Variants in FAM135B observed in about 807,000 individuals in gnomAD.
FAM135B encodes protein FAM135B.
In FAM135B, 43 loss-of-function variants were observed where a neutral mutation model predicts 127.7. The ratio of observed to expected loss-of-function variants is 0.34; its 90% CI spans 0.26 to 0.43. FAM135B has a LOEUF of 0.43. Ranked by LOEUF, FAM135B falls within the 20% of genes least tolerant of loss-of-function variation. The pLI, the probability that FAM135B is intolerant of heterozygous loss-of-function variation, is 1.00. For missense variants in FAM135B, 1,558 were observed against 1,725.6 expected (o/e 0.90, Z 1.72); for synonymous variants, 670 against 665.1 (o/e 1.01, Z -0.11).
At chr8:138,146,308 C>T (rs745534318) in intron 14 of FAM135B, among the ~76,000 whole-genome samples, 3 of 152,262 alleles carry the variant, frequency 2.0e-5, no homozygotes, top group Non-Finnish European at 4.4e-5. Flanking sequence ...GAGCATGTGG[C>T]TTGTGAACAC....
intron 1 of FAM135B, among the ~76,000 whole-genome samples, chr8:138,449,173 G>C (rs1836355485): frequency 6.6e-6 from 1 of 152,106 alleles, no homozygotes; most frequent in African/African-American, 2.4e-5. Context: ...ACTTACAAAT[G>C]GGTGAGAAAG....
intron 18 of FAM135B, among the ~76,000 whole-genome samples, chr8:138,138,126 C>T (rs1041806706): frequency 1.2e-4 from 19 of 152,204 alleles, no homozygotes; most frequent in African/African-American, 4.6e-4. Flanking sequence ...CCAGCTCCTG[C>T]ACCCCTGATG....
intron 7 of FAM135B, among the ~76,000 whole-genome samples, chr8:138,215,133 T>A (rs1478335213): frequency 2.0e-5 from 3 of 152,162 alleles, no homozygotes; most frequent in Non-Finnish European, 4.4e-5. Context: ...CTAGACATGA[T>A]TAAATATCTA....
chr8:138,148,466 T>C (rs1817838596), intron 14 of FAM135B, 54 bp downstream of exon 14: 12 of 1,410,348 alleles, frequency 8.5e-6, no homozygotes, highest in East Asian at 2.4e-5. Context: ...TACATAAATA[T>C]TATAAGTTGT....
At chr8:138,372,699 A>C (rs1298450223) in intron 1 of FAM135B, among the ~76,000 whole-genome samples, 1 of 152,214 alleles carries the variant, frequency 6.6e-6, no homozygotes. Flanking sequence ...CAATACGCGC[A>C]GACTATGTTT....
chr8:138,483,501 T>G (rs970913881), intron 1 of FAM135B, among the ~76,000 whole-genome samples: 5 of 152,226 alleles, frequency 3.3e-5, no homozygotes, highest in Admixed American at 1.3e-4. Context: ...GAGGTGAATC[T>G]GAATCCATGA....
intron 1 of FAM135B, among the ~76,000 whole-genome samples, chr8:138,463,395 G>A (rs1208845508): frequency 6.6e-6 from 1 of 152,088 alleles, no homozygotes; most frequent in Non-Finnish European, 1.5e-5. Flanking sequence ...GGGTGGGAGA[G>A]AATTGTATCA....
At chr8:138,395,591 A>G (rs565355570) in intron 1 of FAM135B, among the ~76,000 whole-genome samples, 46 of 152,336 alleles carry the variant, frequency 3.0e-4, no homozygotes, top group African/African-American at 1.1e-3. Context: ...CTAGGTCCCA[A>G]GTGGGTCTCC....
chr8:138,327,444 C>T (rs539463621), intron 2 of FAM135B, among the ~76,000 whole-genome samples: 1 of 152,260 alleles, frequency 6.6e-6, no homozygotes, highest in South Asian at 2.1e-4. Context: ...CAAAAATATT[C>T]TCAAAATTTG....
At chr8:138,287,465 TC>T (rs367747730) in intron 3 of FAM135B, among the ~76,000 whole-genome samples, 3,626 of 143,142 alleles carry the variant, frequency 0.025, 131 homozygotes, top group African/African-American at 0.037. Context: ...TTTTTTTTTT[TC>T]AAATCTGCAT....
intron 1 of FAM135B, among the ~76,000 whole-genome samples, chr8:138,456,169 C>T (rs1288867580): frequency 6.6e-6 from 1 of 152,180 alleles, no homozygotes; most frequent in Non-Finnish European, 1.5e-5. Flanking sequence ...TTGAACGACA[C>T]AATCACCCAA....
At chr8:138,353,724 G>T (rs1512386) in intron 2 of FAM135B, among the ~76,000 whole-genome samples, 138,781 of 152,132 alleles carry the variant, frequency 0.91, 64,035 homozygotes, top group Non-Finnish European at 0.99. Context: ...ACAGGTCTAT[G>T]GATGGCATCA....
At chr8:138,368,589 T>C (rs1830916145) in intron 1 of FAM135B, among the ~76,000 whole-genome samples, 1 of 152,176 alleles carries the variant, frequency 6.6e-6, no homozygotes, top group African/African-American at 2.4e-5. Context: ...ATAAATGCAG[T>C]CTCTAAAGAC....
rs578159911 is a variant in FAM135B, at chr8:138,196,045, C to T, written c.824-738G>A. 2.0e-5 allele frequency among the ~76,000 whole-genome samples: 3 copies of T among 152,304 alleles called. No individual in the cohort carries two copies. In the South Asian group the frequency reaches 6.2e-4, roughly 32 times the overall value. ...CACCGCTGACCTCAGGTCCCTGAAC[C>T]CCGCAAGGCAAAATGAACTATTGAT... On this transcript the variant is annotated intron_variant, in intron 8 of 19. Coordinates refer to ENST00000395297, the MANE Select transcript of FAM135B (RefSeq NM_015912.4).
intron 16 of FAM135B, among the ~76,000 whole-genome samples, chr8:138,142,498 G>A (rs1301323849): frequency 6.6e-6 from 1 of 151,830 alleles, no homozygotes; most frequent in Admixed American, 6.5e-5. Context: ...TAGAGATGGG[G>A]TTTCCCTGTG....
intron 13 of FAM135B, among the ~76,000 whole-genome samples, chr8:138,149,471 A>G (rs1194934109): frequency 6.6e-6 from 1 of 152,120 alleles, no homozygotes; most frequent in Admixed American, 6.5e-5. Context: ...CTTTACTTCC[A>G]TGCCTTGGTG....
At chr8:138,238,558 T>C (rs1820482935) in intron 7 of FAM135B, among the ~76,000 whole-genome samples, 1 of 152,192 alleles carries the variant, frequency 6.6e-6, no homozygotes, top group Non-Finnish European at 1.5e-5. Context: ...CAGCAACCCT[T>C]ACCTCCCTGT....
At position 138,311,311 on chromosome 8, in the gene FAM135B, T is replaced by C. The variant is rs917077359; in HGVS notation, c.78-391A>G. On this transcript the variant is annotated intron_variant, in intron 2 of 19. Coordinates refer to ENST00000395297, the MANE Select transcript of FAM135B (RefSeq NM_015912.4). ...AGAATCCATCTATAAATTGAGTTTC[T>C]ATCATATTGCAACACAAAAACCACT... Among the ~76,000 whole-genome samples, 8 of 152,358 alleles carry C rather than the reference T, an allele frequency of 5.3e-5. No homozygotes were observed. The East Asian group carries it at 1.5e-3, about 29-fold the overall frequency.
chr8:138,285,134 A>ATTTTTTTTTTTTTTT (rs386414180), intron 3 of FAM135B, among the ~76,000 whole-genome samples: 1 of 54,748 alleles, frequency 1.8e-5, no homozygotes, highest in Non-Finnish European at 3.1e-5. Context: ...GGCTCTACTA[A>ATTTTTTTTTTTTTTT]TTTTTTTTTT....
Sources: gnomAD v4.1 joint callset for allele counts (sites outside exome capture counted in the v4.1 genomes callset) on GRCh38, gnomAD v4.1.1 for gene constraint, MANE v1.5 for transcripts, NCBI Gene and HGNC (gene_info 2026-07-23, HGNC 2026-07-21) for gene names.